TESK2: variants seen among roughly 807,000 people sequenced by gnomAD.
TESK2 encodes testis associated actin remodelling kinase 2, also known as dual specificity testis-specific protein kinase 2.
In TESK2, 39 loss-of-function variants were observed where a neutral mutation model predicts 57.1. The ratio of observed to expected loss-of-function variants is 0.68; its 90% confidence interval spans 0.53 to 0.89. TESK2 has a LOEUF of 0.89. Ranked by LOEUF, TESK2 falls within the 40% of genes least tolerant of loss-of-function variation. The probability of loss-of-function intolerance (pLI) is 0.00; values close to 1 mark genes in which losing one functional copy is unlikely to be tolerated. For synonymous variants in TESK2, 249 were observed against 267.9 expected (o/e 0.93, Z 0.69); for missense variants, 646 against 732.1 (o/e 0.88, Z 1.36).
chr1:45,390,407 T>A (rs1016071817), intron 3 of TESK2, among the ~76,000 whole-genome samples: 1 of 150,986 alleles, frequency 6.6e-6, no homozygotes, highest in African/African-American at 2.5e-5. Flanking sequence ...GAAGTTGCAG[T>A]GAGCCAAGAT....
In TESK2 at chr1:45,355,333, T is replaced by C. The variant is rs2149265157; in HGVS notation, c.510A>G (p.Lys170=). The C allele has an allele frequency of 3.1e-6, 5 of 1,614,084 alleles. No homozygotes were observed. Among genetic ancestry groups the C allele is most frequent in the Middle Eastern group, 3.3e-4 (2 of 6,060 alleles). The change falls in exon 5 of 11, where the codon AAA becomes AAG. Residue 170 remains lysine (K), a synonymous_variant. Coordinates refer to ENST00000372086, the MANE Select transcript of TESK2 (RefSeq NM_007170.3). ...IAVGLSYLHF[K]GIFHRDLTSK... is the part of the protein sequence containing the mutation. ...ATGTGAGGTCCCGATGAAAAATGCC[T>C]TTGAAGTGAAGGTAGCTGAGGCCCA... is the stretch of plus-strand genomic sequence containing the variant.
At chr1:45,475,209 C>CTTTTTTTTT (rs375872140) in intron 1 of TESK2, among the ~76,000 whole-genome samples, 3,332 of 112,922 alleles carry the variant, frequency 0.03, 229 homozygotes, top group Non-Finnish European at 0.043. Flanking sequence ...TTAGCCTGGC[C>CTTTTTTTTT]TTTTTTTTTT....
intron 1 of TESK2, among the ~76,000 whole-genome samples, chr1:45,464,965 G>T (rs1008659169): frequency 6.6e-6 from 1 of 151,592 alleles, no homozygotes; most frequent in African/African-American, 2.4e-5. Flanking sequence ...GGCCAGACAC[G>T]GTGGCTCACA....
At chr1:45,355,535 G>C in intron 4 of TESK2, 86 bp from the exon 5 acceptor site, 2 of 1,461,900 alleles carry the variant, frequency 1.4e-6, no homozygotes, top group Non-Finnish European at 1.8e-6. Context: ...ACACCTGGAA[G>C]AGAGAGACTG....
At chr1:45,347,371 G>C (rs1647159690) in intron 7 of TESK2, among the ~76,000 whole-genome samples, 1 of 152,134 alleles carries the variant, frequency 6.6e-6, no homozygotes, top group Non-Finnish European at 1.5e-5. Context: ...TCTGAGACCA[G>C]CCTGGCCAAT....
At chr1:45,470,508 A>G (rs1342738958) in intron 1 of TESK2, among the ~76,000 whole-genome samples, 1 of 152,258 alleles carries the variant, frequency 6.6e-6, no homozygotes, top group Non-Finnish European at 1.5e-5. Flanking sequence ...ATTAACCACG[A>G]ATATACACAA....
intron 3 of TESK2, among the ~76,000 whole-genome samples, chr1:45,403,842 A>G (rs1649728576): frequency 6.6e-6 from 1 of 151,852 alleles, no homozygotes; most frequent in Admixed American, 6.6e-5. Context: ...GTAGTTTAAC[A>G]AAAATTTTAA....
At chr1:45,413,558 T>C (rs748657884) in intron 3 of TESK2, among the ~76,000 whole-genome samples, 14 of 152,214 alleles carry the variant, frequency 9.2e-5, no homozygotes, top group Non-Finnish European at 2.1e-4. Flanking sequence ...CAGAAGAATT[T>C]TCAACTCATT....
intron 2 of TESK2, among the ~76,000 whole-genome samples, chr1:45,452,243 T>C (rs538785924): frequency 3.9e-5 from 6 of 152,292 alleles, no homozygotes; most frequent in African/African-American, 1.4e-4. Context: ...TAGATGTTTA[T>C]TGATTACAGT....
chr1:45,416,911 T>C (rs745352805), intron 3 of TESK2, among the ~76,000 whole-genome samples: 18 of 151,910 alleles, frequency 1.2e-4, no homozygotes, highest in Admixed American at 3.3e-4. Context: ...CTCAGCCTCC[T>C]GAGTAACTGG....
At chr1:45,372,830 G>A (rs1010376927) in intron 4 of TESK2, among the ~76,000 whole-genome samples, 12 of 151,502 alleles carry the variant, frequency 7.9e-5, no homozygotes, top group Admixed American at 2.6e-4. Flanking sequence ...TCTGGAGTTC[G>A]AGACCAGCCT....
intron 2 of TESK2, among the ~76,000 whole-genome samples, chr1:45,447,031 A>G (rs1267182017): frequency 6.6e-6 from 1 of 152,198 alleles, no homozygotes; most frequent in African/African-American, 2.4e-5. Flanking sequence ...CAGCCTGGGC[A>G]ACATAGTGAG....
At chr1:45,384,269 T>TC (rs999459162) in intron 4 of TESK2, among the ~76,000 whole-genome samples, 2 of 152,154 alleles carry the variant, frequency 1.3e-5, no homozygotes, top group African/African-American at 4.8e-5. Context: ...TCTGTCCTTC[T>TC]CCCCAGACTT....
chr1:45,433,924 C>T (rs893710939), intron 2 of TESK2, among the ~76,000 whole-genome samples: 20 of 152,074 alleles, frequency 1.3e-4, no homozygotes, highest in African/African-American at 2.9e-4. Context: ...GTTCCCTTTA[C>T]GCTGTATCTT....
intron 2 of TESK2, among the ~76,000 whole-genome samples, chr1:45,436,178 C>CTTTTTTTTTTTTTTTTTTTTTTTT (rs1557573084): frequency 7.7e-5 from 1 of 12,970 alleles, no homozygotes. Flanking sequence ...ACATTGGTAT[C>CTTTTTTTTTTTTTTTTTTTTTTTT]TTCTTTTTTT....
chr1:45,447,530 T>A (rs1156444722), intron 2 of TESK2, among the ~76,000 whole-genome samples: 1 of 152,120 alleles, frequency 6.6e-6, no homozygotes, highest in African/African-American at 2.4e-5. Context: ...CAGTGCCTTA[T>A]TCTGGAATAT....
At chr1:45,372,416 A>G (rs1648226395) in intron 4 of TESK2, among the ~76,000 whole-genome samples, 2 of 152,134 alleles carry the variant, frequency 1.3e-5, no homozygotes. Context: ...TGTTTCCACT[A>G]AAAATACAAA....
At chr1:45,448,572 G>A (rs1293793505) in intron 2 of TESK2, among the ~76,000 whole-genome samples, 1 of 152,096 alleles carries the variant, frequency 6.6e-6, no homozygotes, top group Non-Finnish European at 1.5e-5. Flanking sequence ...GTGAGATCAA[G>A]AGACAGAGAG....
intron 7 of TESK2, 89 bp from the exon 8 acceptor site, chr1:45,347,151 T>A (rs1647155423): frequency 8.7e-7 from 1 of 1,151,506 alleles, no homozygotes; most frequent in African/African-American, 1.5e-5. Flanking sequence ...CACCCCACCA[T>A]CTAACAGCCC....
Sources: allele counts gnomAD v4.1 joint callset (sites outside exome capture counted in the v4.1 genomes callset), GRCh38; gene constraint gnomAD v4.1.1; transcripts MANE v1.5; gene names NCBI Gene and HGNC (gene_info 2026-07-23, HGNC 2026-07-21).